The following LARS2 variants were observed in gnomAD, a reference collection of about 807,000 sequenced individuals.
The protein encoded by LARS2 is leucyl-tRNA synthetase 2, mitochondrial.
In LARS2, 81 loss-of-function variants were observed where a neutral mutation model predicts 116.6. The observed-to-expected ratio is 0.69, with a 90% CI of 0.58 to 0.84. LARS2 has a LOEUF of 0.84. LARS2 is among the 40% of genes least tolerant of loss of function. LARS2 has a pLI of 0.00. For missense variants in LARS2, 968 were observed against 1,114.5 expected (o/e 0.87, Z 1.87); for synonymous variants, 396 against 407.2 (o/e 0.97, Z 0.33).
At chr3:45,467,818 A>T (rs1010046239) in intron 8 of LARS2, among the ~76,000 whole-genome samples, 1 of 152,172 alleles carries the variant, frequency 6.6e-6, no homozygotes, top group Non-Finnish European at 1.5e-5. Context: ...TTGCTGGGCA[A>T]GGTGGCTCAT....
intron 1 of LARS2, chr3:45,389,187 A>T (rs1019809035): frequency 6.6e-6 from 1 of 151,682 alleles, no homozygotes; most frequent in Non-Finnish European, 1.5e-5. Context: ...TTCCAGGTGC[A>T]TTCTTGCACT....
chr3:45,427,261 A>G (rs971884810), intron 6 of LARS2, among the ~76,000 whole-genome samples: 23 of 152,220 alleles, frequency 1.5e-4, no homozygotes, highest in African/African-American at 5.1e-4. Context: ...TTGTTATTCC[A>G]TGAAAATAAC....
At chr3:45,501,523 G>T (rs188909880) in intron 15 of LARS2, among the ~76,000 whole-genome samples, 4 of 152,180 alleles carry the variant, frequency 2.6e-5, no homozygotes, top group African/African-American at 7.2e-5. Flanking sequence ...TCACTGCTGC[G>T]TGATATTCCA....
At chr3:45,407,726 A>G (rs1391774398) in intron 4 of LARS2, among the ~76,000 whole-genome samples, 1 of 151,388 alleles carries the variant, frequency 6.6e-6, no homozygotes, top group Non-Finnish European at 1.5e-5. Flanking sequence ...TTAGAAGCTG[A>G]ATTGGTTTCA....
intron 14 of LARS2, among the ~76,000 whole-genome samples, chr3:45,499,535 T>C (rs1700083271): frequency 6.6e-6 from 1 of 152,124 alleles, no homozygotes; most frequent in Non-Finnish European, 1.5e-5. Context: ...GGCTGGAAGA[T>C]CGCTTGAGCC....
chr3:45,486,045 A>C (rs532006267), intron 11 of LARS2, among the ~76,000 whole-genome samples: 1 of 152,322 alleles, frequency 6.6e-6, no homozygotes, highest in African/African-American at 2.4e-5. Flanking sequence ...AAATCTTGCC[A>C]GTAGAGTTTG....
chr3:45,544,962 A>C (rs1424655421), intron 21 of LARS2, among the ~76,000 whole-genome samples: 1 of 151,960 alleles, frequency 6.6e-6, no homozygotes, highest in African/African-American at 2.4e-5. Context: ...AAAGGTAGGG[A>C]GTGTCCCCTC....
chr3:45,500,384 A>T (rs1017108411), intron 14 of LARS2, 58 bp from the exon 15 acceptor site: 46 of 1,541,434 alleles, frequency 3.0e-5, no homozygotes, highest in Non-Finnish European at 3.6e-5. Context: ...AGGCCTGTTT[A>T]ATTTACACAA....
intron 4 of LARS2, among the ~76,000 whole-genome samples, chr3:45,404,909 C>A (rs1027687294): frequency 6.6e-6 from 1 of 152,084 alleles, no homozygotes. Context: ...TTTTCAAAGC[C>A]CATTTAAATT....
chr3:45,479,443 G>C (rs529657365), intron 10 of LARS2, among the ~76,000 whole-genome samples: 2,751 of 152,254 alleles, frequency 0.018, 75 homozygotes, highest in African/African-American at 0.059. Flanking sequence ...TGGAGGGAGG[G>C]AACAGGTCTG....
At chr3:45,393,010 A>T (rs1480242560) in intron 2 of LARS2, among the ~76,000 whole-genome samples, 2 of 152,218 alleles carry the variant, frequency 1.3e-5, no homozygotes, top group African/African-American at 4.8e-5. Flanking sequence ...AATATTTGAT[A>T]AAAATCTCAC....
At chr3:45,539,378 C>T (rs952506114) in intron 20 of LARS2, among the ~76,000 whole-genome samples, 1 of 152,204 alleles carries the variant, frequency 6.6e-6, no homozygotes, top group African/African-American at 2.4e-5. Context: ...TGCCTGTAAT[C>T]CCAGCACTTT....
chr3:45,513,814 C>T (rs1326328849), intron 16 of LARS2, among the ~76,000 whole-genome samples: 1 of 152,190 alleles, frequency 6.6e-6, no homozygotes, highest in Non-Finnish European at 1.5e-5. Context: ...TTACATTTCA[C>T]CCTTCATTTT....
chr3:45,458,892 T>C lies in LARS2; in HGVS notation c.750+6T>C, dbSNP rs200428627. On this transcript the variant is annotated splice_donor_region_variant and intron_variant, in intron 8 of 21. Coordinates refer to ENST00000645846, the MANE Select transcript of LARS2 (RefSeq NM_015340.4). ...AGACAACCGCTTATGCAAAGGTGAG[T>C]GTCAGCCTGGAGGCTCCCCACTAAT... is the stretch of plus-strand genomic sequence containing the variant. 2 of 1,613,716 alleles carry C rather than the reference T, an allele frequency of 1.2e-6. No individual in the cohort carries two copies. The highest frequency in any genetic ancestry group is 2.2e-5 in the East Asian group (1 of 44,874).
intron 6 of LARS2, among the ~76,000 whole-genome samples, chr3:45,442,076 T>TG (rs1204672859): frequency 6.6e-6 from 1 of 152,226 alleles, no homozygotes; most frequent in Non-Finnish European, 1.5e-5. Context: ...GAATTGCCAA[T>TG]GCTTTTGTAG....
intron 4 of LARS2, among the ~76,000 whole-genome samples, chr3:45,401,247 ATTC>A (rs1278479872): frequency 2.6e-5 from 4 of 152,162 alleles, no homozygotes; most frequent in Admixed American, 6.5e-5. Context: ...CATGCCTGTA[ATTC>A]CAGTGCTTTG....
chr3:45,533,389 C>T (rs1700650726), intron 20 of LARS2, among the ~76,000 whole-genome samples: 1 of 152,018 alleles, frequency 6.6e-6, no homozygotes, highest in East Asian at 1.9e-4. Context: ...CTTCGTGATC[C>T]GCCCGCCTCG....
intron 6 of LARS2, among the ~76,000 whole-genome samples, chr3:45,435,783 T>A (rs1698787408): frequency 6.6e-6 from 1 of 152,222 alleles, no homozygotes. Flanking sequence ...GGTACTCATG[T>A]CCCTAACCTG....
chr3:45,540,756 CTATCTAT>C (rs1700781546), intron 20 of LARS2, among the ~76,000 whole-genome samples: 4 of 148,900 alleles, frequency 2.7e-5, no homozygotes, highest in Admixed American at 2.7e-4. Context: ...GTCTATCTAT[CTATCTAT>C]CTATCTATCT....
Sources: gnomAD v4.1 joint callset for allele counts (sites outside exome capture counted in the v4.1 genomes callset) on GRCh38, gnomAD v4.1.1 for gene constraint, MANE v1.5 for transcripts, NCBI Gene and HGNC (gene_info 2026-07-23, HGNC 2026-07-21) for gene names.